The following ARRB1 variants were observed in gnomAD, a reference collection of about 807,000 sequenced individuals.
ARRB1 encodes arrestin beta 1.
Under a neutral mutation model 56.8 loss-of-function variants are expected in ARRB1, and 21 were observed. That is an observed-to-expected ratio of 0.37 (90% CI 0.26 to 0.53). The LOEUF (loss-of-function observed/expected upper bound fraction) is 0.53, where lower values mean the gene tolerates loss of function less well. ARRB1 is among the 20% of genes least tolerant of loss of function. The pLI is 0.88. For synonymous variants in ARRB1, 210 were observed against 218.6 expected, an observed-to-expected ratio of 0.96 and a Z score of 0.35; for missense variants, 424 against 553.7, an observed-to-expected ratio of 0.77 and a Z score of 2.35.
At chr11:75,273,123 A>T (rs1407852626) in intron 11 of ARRB1, 145 bp from the exon 12 acceptor site, 4 of 674,504 alleles carry the variant, frequency 5.9e-6, no homozygotes, top group African/African-American at 5.4e-5. Flanking sequence ...CCCAGTGGAG[A>T]TGAGGAAGGC....
chr11:75,331,346 T>C (rs1947515985), intron 1 of ARRB1, among the ~76,000 whole-genome samples: 1 of 152,098 alleles, frequency 6.6e-6, no homozygotes, highest in Admixed American at 6.5e-5. Flanking sequence ...CCCAAATTCC[T>C]GTCTAAGGGG....
At chr11:75,282,468 C>T (rs1946368076) in intron 5 of ARRB1, among the ~76,000 whole-genome samples, 1 of 152,140 alleles carries the variant, frequency 6.6e-6, no homozygotes, top group African/African-American at 2.4e-5. Flanking sequence ...ATGTCTGAGC[C>T]ACAGTGATGG....
At chr11:75,335,114 GA>G in intron 1 of ARRB1, 2 of 193,980 alleles carry the variant, frequency 1.0e-5, no homozygotes, top group South Asian at 7.8e-5. Flanking sequence ...GGGGCTGGAG[GA>G]AGGGCCCAGA....
At chr11:75,347,638 A>T (rs1947792023) in intron 1 of ARRB1, among the ~76,000 whole-genome samples, 1 of 152,154 alleles carries the variant, frequency 6.6e-6, no homozygotes, top group Admixed American at 6.5e-5. Context: ...AGTAGCAGAG[A>T]GGGCTTTGTG....
chr11:75,272,937 A>G lies in ARRB1; in HGVS notation c.956T>C (p.Val319Ala). The part of the protein sequence containing the change: ...GANREILGII[V>A]SYKVKVKLVV... Reference sequence around the variant, plus strand: ...CAGCTTCACTTTCACTTTGTAGGAAACAATGATCCCCAGGATCTCACGGTT... The same window carrying G: ...CAGCTTCACTTTCACTTTGTAGGAAGCAATGATCCCCAGGATCTCACGGTT... Residue 319 changes from valine (V) to alanine (A), a missense_variant, in exon 12 of 16, where the codon GTT becomes GCT. Val to Ala is a moderately conservative substitution (Grantham distance 64). Transcript: ENST00000420843. 1 of 1,614,052 alleles carries G rather than the reference A, an allele frequency of 6.2e-7. No homozygotes were observed. The highest frequency in any genetic ancestry group is 8.5e-7 in the Non-Finnish European group (1 of 1,179,978).
chr11:75,299,000 G>A (rs78103004), intron 1 of ARRB1, among the ~76,000 whole-genome samples: 1,937 of 151,806 alleles, frequency 0.013, 36 homozygotes, highest in African/African-American at 0.042. Context: ...GATTCCACTT[G>A]CATTAAATGT....
intron 1 of ARRB1, among the ~76,000 whole-genome samples, chr11:75,319,428 C>A (rs1357803002): frequency 6.6e-6 from 1 of 152,238 alleles, no homozygotes; most frequent in Non-Finnish European, 1.5e-5. Context: ...AGTGCCAGAT[C>A]TGACCACACT....
chr11:75,277,621 C>A (rs1265029845), intron 8 of ARRB1, among the ~76,000 whole-genome samples, 173 bp from the exon 9 acceptor site: 1 of 152,218 alleles, frequency 6.6e-6, no homozygotes, highest in African/African-American at 2.4e-5. Context: ...GTTCATGCCC[C>A]CTCTGCCACT....
At chr11:75,287,487 C>A in intron 2 of ARRB1, 112 bp from the exon 3 acceptor site, 1 of 1,057,712 alleles carries the variant, frequency 9.5e-7, no homozygotes, top group Non-Finnish European at 1.4e-6. Context: ...CCATCCCTAA[C>A]CCTTATCAAA....
chr11:75,267,613 G>A (rs756574699), intron 15 of ARRB1, 39 bp downstream of exon 15: 52 of 854,618 alleles, frequency 6.1e-5, no homozygotes, highest in African/African-American at 1.0e-4. Flanking sequence ...GCCCACCCGC[G>A]GCCCACCCCC....
intron 5 of ARRB1, among the ~76,000 whole-genome samples, chr11:75,283,040 C>G (rs1946385109): frequency 6.6e-6 from 1 of 152,212 alleles, no homozygotes; most frequent in Non-Finnish European, 1.5e-5. Flanking sequence ...CCCCCTTTCT[C>G]CCACCAATGA....
intron 8 of ARRB1, among the ~76,000 whole-genome samples, chr11:75,278,251 A>G (rs563466082): frequency 3.0e-4 from 45 of 152,282 alleles, no homozygotes; most frequent in Non-Finnish European, 6.0e-4. Flanking sequence ...TTTGGCAGGA[A>G]GGTCACGGCC....
intron 11 of ARRB1, 36 bp from the exon 12 acceptor site, chr11:75,273,014 T>C: frequency 6.2e-7 from 1 of 1,602,690 alleles, no homozygotes; most frequent in Middle Eastern, 1.7e-4. Context: ...TTCAGGGGCC[T>C]TGCCAGGTGG....
chr11:75,273,702 GT>G (rs1946127010), intron 11 of ARRB1, among the ~76,000 whole-genome samples: 2 of 6,528 alleles, frequency 3.1e-4, no homozygotes, highest in Admixed American at 3.3e-3. Flanking sequence ...GGCACCCCAT[GT>G]TGGGTCTAAC....
At chr11:75,273,897 TA>T (rs1388569789) in intron 11 of ARRB1, among the ~76,000 whole-genome samples, 176 bp downstream of exon 11, 1 of 151,956 alleles carries the variant, frequency 6.6e-6, no homozygotes, top group Non-Finnish European at 1.5e-5. Context: ...CACCCCTGGG[TA>T]GGGTTGGGAG....
intron 1 of ARRB1, among the ~76,000 whole-genome samples, chr11:75,294,594 TAAA>T (rs1473390406): frequency 9.6e-4 from 80 of 83,392 alleles, no homozygotes; most frequent in East Asian, 2.3e-3. Context: ...AATAAATAAA[TAAA>T]TAAATAAATA....
At chr11:75,297,224 A>T (rs1368007503) in intron 1 of ARRB1, among the ~76,000 whole-genome samples, 2 of 152,092 alleles carry the variant, frequency 1.3e-5, no homozygotes, top group African/African-American at 4.8e-5. Flanking sequence ...TCATCCTAAA[A>T]TTCATAAGGA....
chr11:75,345,990 G>A (rs1287540164), intron 1 of ARRB1, among the ~76,000 whole-genome samples: 5 of 152,038 alleles, frequency 3.3e-5, no homozygotes, highest in African/African-American at 1.2e-4. Context: ...CTTACCAAAT[G>A]GGGAGCTCAC....
At chr11:75,309,607 C>T (rs973783694) in intron 1 of ARRB1, among the ~76,000 whole-genome samples, 4 of 152,134 alleles carry the variant, frequency 2.6e-5, no homozygotes, top group African/African-American at 4.8e-5. Context: ...AGCTGGCTTA[C>T]GTGCTGTCAC....
Sources: allele counts gnomAD v4.1 joint callset (sites outside exome capture counted in the v4.1 genomes callset), GRCh38; gene constraint gnomAD v4.1.1; transcripts MANE v1.5; gene names NCBI Gene and HGNC (gene_info 2026-07-23, HGNC 2026-07-21).